The following FGF14 variants were observed in gnomAD, a reference collection of about 807,000 sequenced individuals.
FGF14 encodes the protein fibroblast growth factor 14, also known as fibroblast growth factor homologous factor 4.
A neutral mutation model predicts 25.5 loss-of-function variants in FGF14; 5 were observed. The ratio of observed to expected loss-of-function variants is 0.20; its 90% CI spans 0.10 to 0.41. The LOEUF is 0.41. FGF14 is among the 10% of genes least tolerant of loss of function. FGF14 has a pLI of 1.00. For missense variants in FGF14, 222 were observed against 320.1 expected, an observed-to-expected ratio of 0.69 and a Z score of 2.34; for synonymous variants, 138 against 118.3, an observed-to-expected ratio of 1.17 and a Z score of -1.08.
chr13:102,134,591 G>C (rs1383795757), intron 1 of FGF14, among the ~76,000 whole-genome samples: 1 of 152,130 alleles, frequency 6.6e-6, no homozygotes, highest in Non-Finnish European at 1.5e-5. Flanking sequence ...GTGAGAACAA[G>C]GTCACTGTGT....
At chr13:102,304,612 C>A (rs568102927) in intron 1 of FGF14, among the ~76,000 whole-genome samples, 1 of 152,282 alleles carries the variant, frequency 6.6e-6, no homozygotes, top group Admixed American at 6.5e-5. Flanking sequence ...AATAAGATAA[C>A]CTGTGTAGCT....
chr13:102,397,602 G>A (rs2058615298), intron 1 of FGF14, among the ~76,000 whole-genome samples: 2 of 152,192 alleles, frequency 1.3e-5, no homozygotes, highest in Non-Finnish European at 2.9e-5. Context: ...GATATCCTGT[G>A]TGTGGTTGAG....
At chr13:101,771,783 T>C (rs1419850018) in intron 3 of FGF14, among the ~76,000 whole-genome samples, 6 of 152,026 alleles carry the variant, frequency 3.9e-5, no homozygotes, top group African/African-American at 1.4e-4. Flanking sequence ...AGATTCCTTT[T>C]TTTTGAAACA....
At chr13:101,846,204 G>C (rs139493682) in intron 3 of FGF14, among the ~76,000 whole-genome samples, 1 of 151,800 alleles carries the variant, frequency 6.6e-6, no homozygotes, top group African/African-American at 2.4e-5. Context: ...TTTTAAAAAA[G>C]GAAAAGAAAA....
intron 1 of FGF14, among the ~76,000 whole-genome samples, chr13:102,146,291 T>C (rs774192192): frequency 1.3e-5 from 2 of 152,324 alleles, no homozygotes; most frequent in Non-Finnish European, 2.9e-5. Flanking sequence ...AAGGTCAGTG[T>C]TGATTTTGGT....
intron 1 of FGF14, among the ~76,000 whole-genome samples, chr13:102,107,413 G>A (rs1353952647): frequency 6.6e-6 from 1 of 152,090 alleles, no homozygotes; most frequent in Non-Finnish European, 1.5e-5. Context: ...TAACCCAATT[G>A]CATCTTGACA....
chr13:102,099,110 C>T (rs2044538750), intron 1 of FGF14, among the ~76,000 whole-genome samples: 1 of 152,136 alleles, frequency 6.6e-6, no homozygotes, highest in African/African-American at 2.4e-5. Flanking sequence ...TTCCCGTTTC[C>T]TCCTGCTCCC....
At chr13:101,799,526 G>A (rs996416581) in intron 3 of FGF14, among the ~76,000 whole-genome samples, 15 of 152,092 alleles carry the variant, frequency 9.9e-5, no homozygotes, top group Admixed American at 7.9e-4. Context: ...AAAACATGGC[G>A]TTAGGTCAAT....
chr13:101,880,693 G>A (rs953849011), intron 1 of FGF14, among the ~76,000 whole-genome samples: 2 of 152,198 alleles, frequency 1.3e-5, no homozygotes, highest in African/African-American at 2.4e-5. Flanking sequence ...TCAGCCATGT[G>A]TTAAATTAGC....
chr13:101,747,617 T>C (rs2036972418), intron 3 of FGF14, among the ~76,000 whole-genome samples: 2 of 152,074 alleles, frequency 1.3e-5, no homozygotes, highest in South Asian at 4.1e-4. Flanking sequence ...TTGCTGATCA[T>C]CATTAAAATA....
At position 102,351,313 on chromosome 13, in the gene FGF14, A is replaced by T. The variant is rs563030649; in HGVS notation, c.208+50158T>A. Among the ~76,000 whole-genome samples, 3 of 152,074 alleles carry T rather than the reference A, an allele frequency of 2.0e-5. No homozygotes were observed. The East Asian group carries it at 5.8e-4, about 29-fold the overall frequency. On this transcript the variant is annotated intron_variant, in intron 1 of 4. Coordinates refer to the FGF14 transcript ENST00000376131. Reference sequence around the variant, plus strand: ...GAAAAAAAAAACGATCTTCTTCCTCATCTTTCTCTAATTAAATGTGCTTTC... The same window carrying T: ...GAAAAAAAAAACGATCTTCTTCCTCTTCTTTCTCTAATTAAATGTGCTTTC...
At chr13:102,237,565 T>C (rs2051385999) in intron 1 of FGF14, among the ~76,000 whole-genome samples, 1 of 136,264 alleles carries the variant, frequency 7.3e-6, no homozygotes, top group East Asian at 2.2e-4. Context: ...TCTAAACTGC[T>C]TGGGGTTTTT....
rs2034719356 is a variant in FGF14, at chr13:101,716,299, G to T, written c.*6532C>A. 6.6e-6 allele frequency: 1 copy of T among 152,072 alleles called. No individual in the cohort carries two copies. Among genetic ancestry groups the T allele is most frequent in the Non-Finnish European group, 1.5e-5 (1 of 68,014 alleles). The allele number at this position is 152,072 out of a possible 1,614,324, so 9.4% of individuals were successfully genotyped here. On this transcript the variant is annotated 3_prime_UTR_variant, in exon 5 of 5. Transcript: ENST00000376143. ...GGGGCTGGATCAAGGGCAAAAACTG[G>T]TCATTAAGTCATCTGACATTAAATC...
chr13:102,099,336 C>G (rs1291473825), intron 1 of FGF14, among the ~76,000 whole-genome samples: 1 of 152,168 alleles, frequency 6.6e-6, no homozygotes, highest in African/African-American at 2.4e-5. Flanking sequence ...TGCAGAGAAA[C>G]AGCGTGCTCT....
chr13:101,979,316 C>G (rs918734861), intron 1 of FGF14, among the ~76,000 whole-genome samples: 7 of 152,186 alleles, frequency 4.6e-5, no homozygotes, highest in African/African-American at 7.2e-5. Context: ...GGTAAGTAAA[C>G]AAATAAATGG....
At chr13:102,402,077 G>C (rs1331932306), upstream of FGF14, 3 of 144,258 alleles carry the variant, frequency 2.1e-5, no homozygotes, top group Admixed American at 7.0e-5. Flanking sequence ...AAGAAAGAAA[G>C]AAAAAAGAAA....
At chr13:101,957,477 C>T (rs1346734056) in intron 1 of FGF14, among the ~76,000 whole-genome samples, 1 of 152,176 alleles carries the variant, frequency 6.6e-6, no homozygotes, top group Non-Finnish European at 1.5e-5. Flanking sequence ...AACAGCTTTG[C>T]TATTCAAAGT....
In FGF14 at chr13:102,171,144, C is replaced by A. The variant is rs541999546; in HGVS notation, c.208+230327G>T. The stretch of plus-strand genomic sequence containing the variant: ...AATATTTGAGGCAATATAGACACAA[C>A]CATGTTAAAAAATACTTGCACAAAG... On this transcript the variant is annotated intron_variant, in intron 1 of 4. Coordinates refer to the FGF14 transcript ENST00000376131. Among the ~76,000 whole-genome samples, 39 of 152,218 alleles carry A rather than the reference C, an allele frequency of 2.6e-4. 1 individual carries two copies. The South Asian group carries it at 7.9e-3, about 31-fold the overall frequency.
chr13:102,128,214 A>G (rs2046031765), intron 1 of FGF14, among the ~76,000 whole-genome samples: 1 of 152,220 alleles, frequency 6.6e-6, no homozygotes, highest in South Asian at 2.1e-4. Context: ...CATTTAATCC[A>G]TAAGGCTGTT....
Sources: gnomAD v4.1 joint callset for allele counts (sites outside exome capture counted in the v4.1 genomes callset) on GRCh38, gnomAD v4.1.1 for gene constraint, MANE v1.5 for transcripts, NCBI Gene and HGNC (gene_info 2026-07-23, HGNC 2026-07-21) for gene names.